Variants in SCHIP1 observed in about 807,000 individuals in gnomAD.
The protein encoded by SCHIP1 is schwannomin interacting protein 1.
In SCHIP1, 8 loss-of-function variants were observed where a neutral mutation model predicts 29.7. The ratio of observed to expected loss-of-function variants is 0.27; its 90% CI spans 0.16 to 0.49. The LOEUF is 0.49. Among genes scored for constraint, SCHIP1 ranks in the 20% least tolerant of loss-of-function variants. SCHIP1 has a pLI of 0.99. For synonymous variants in SCHIP1, 76 were observed against 94.9 expected (o/e 0.80, Z 1.16); for missense variants, 193 against 294.6 (o/e 0.66, Z 2.52).
chr3:159,572,966 T>G, the SCHIP1 span, among the ~76,000 whole-genome samples: 1 of 151,084 alleles, frequency 6.6e-6, no homozygotes, highest in East Asian at 2.0e-4. Flanking sequence ...ATTTGCTTGG[T>G]AGACCTTCCT....
the SCHIP1 span, among the ~76,000 whole-genome samples, chr3:159,288,889 C>T: frequency 6.6e-6 from 1 of 152,140 alleles, no homozygotes; most frequent in Non-Finnish European, 1.5e-5. Flanking sequence ...GCTCCATACA[C>T]CGCACCACCT....
the SCHIP1 span, among the ~76,000 whole-genome samples, chr3:159,695,413 C>T: frequency 2.0e-5 from 3 of 152,142 alleles, no homozygotes; most frequent in South Asian, 6.2e-4. Context: ...GCATGTAAAT[C>T]GCCACTTGAT....
chr3:159,331,654 A>C, the SCHIP1 span, among the ~76,000 whole-genome samples: 2 of 152,108 alleles, frequency 1.3e-5, no homozygotes, highest in African/African-American at 4.8e-5. Context: ...TATCAATTTC[A>C]TCTCTTCAAA....
At chr3:159,686,392 AG>A in the SCHIP1 span, among the ~76,000 whole-genome samples, 1 of 152,236 alleles carries the variant, frequency 6.6e-6, no homozygotes, top group Non-Finnish European at 1.5e-5. Context: ...TCCTATTAGT[AG>A]GTCTTTGAGA....
the SCHIP1 span, among the ~76,000 whole-genome samples, chr3:159,497,925 A>T: frequency 6.6e-6 from 1 of 152,116 alleles, no homozygotes; most frequent in Non-Finnish European, 1.5e-5. Context: ...ACAATTCATT[A>T]TGTGCTCATT....
chr3:159,840,329 C>T lies in SCHIP1; in HGVS notation c.30+115C>T, dbSNP rs562097921. 172 of 893,328 alleles carry T rather than the reference C, an allele frequency of 1.9e-4. 1 individual carries two copies. The East Asian group carries it at 4.2e-3, about 22-fold the overall frequency. 55.3% of individuals were successfully genotyped at this position (893,328 alleles called of 1,614,324 possible). ...TTCAGGGATTTTGCCATCTTCCGCG[C>T]CTGGCCTTCATCACGTGCAGTATCT... On this transcript the variant is annotated intron_variant, in intron 1 of 6. Transcript: ENST00000445224.
the SCHIP1 span, among the ~76,000 whole-genome samples, chr3:159,278,561 C>T: frequency 6.6e-6 from 1 of 152,016 alleles, no homozygotes; most frequent in Admixed American, 6.5e-5. Context: ...TTTGCTCTTT[C>T]GCCTGTATCC....
chr3:159,463,138 T>C, the SCHIP1 span, among the ~76,000 whole-genome samples: 1 of 151,828 alleles, frequency 6.6e-6, no homozygotes, highest in Admixed American at 6.6e-5. Context: ...ATATATACAG[T>C]ATATAGTTCA....
the SCHIP1 span, chr3:159,764,307 C>T: frequency 3.7e-6 from 4 of 1,092,152 alleles, no homozygotes; most frequent in African/African-American, 3.2e-5. The surrounding 1 kb of genome is among the most constrained non-coding windows in gnomAD (Gnocchi z 6.1). Context: ...GCTCCCGCCC[C>T]CAGGCCTCCT....
chr3:159,507,587 G>T, the SCHIP1 span, among the ~76,000 whole-genome samples: 1 of 152,272 alleles, frequency 6.6e-6, no homozygotes, highest in Non-Finnish European at 1.5e-5. Flanking sequence ...CTTTCAGTAT[G>T]ATATTGGCTG....
chr3:159,384,545 A>G, the SCHIP1 span, among the ~76,000 whole-genome samples: 1 of 149,274 alleles, frequency 6.7e-6, no homozygotes, highest in Non-Finnish European at 1.5e-5. Flanking sequence ...ATCAATGTTC[A>G]TCAAGGATAT....
chr3:159,876,893 T>G (rs1432394636), intron 2 of SCHIP1, among the ~76,000 whole-genome samples: 1 of 152,192 alleles, frequency 6.6e-6, no homozygotes, highest in Non-Finnish European at 1.5e-5. Context: ...CGTCCCCCCA[T>G]CTGCAAGGTT....
At chr3:159,531,881 G>A in the SCHIP1 span, among the ~76,000 whole-genome samples, 4 of 152,168 alleles carry the variant, frequency 2.6e-5, no homozygotes. Flanking sequence ...TGATGTAAAT[G>A]TTAGAAATTA....
the SCHIP1 span, among the ~76,000 whole-genome samples, chr3:159,289,683 G>A: frequency 6.6e-6 from 1 of 152,138 alleles, no homozygotes; most frequent in Non-Finnish European, 1.5e-5. Flanking sequence ...CCACAGGAGG[G>A]CAAGGACCAT....
the SCHIP1 span, among the ~76,000 whole-genome samples, chr3:159,453,498 A>G: frequency 2.6e-5 from 4 of 152,146 alleles, no homozygotes; most frequent in Non-Finnish European, 5.9e-5. Flanking sequence ...GGCCTTTCTT[A>G]TTGCTGCTTT....
At chr3:159,396,573 C>T in the SCHIP1 span, among the ~76,000 whole-genome samples, 1 of 149,872 alleles carries the variant, frequency 6.7e-6, no homozygotes, top group Non-Finnish European at 1.5e-5. Context: ...TTCTCCTTCA[C>T]TTATAAAGCT....
the SCHIP1 span, among the ~76,000 whole-genome samples, chr3:159,384,901 G>A: frequency 6.6e-6 from 1 of 152,168 alleles, no homozygotes; most frequent in African/African-American, 2.4e-5. Flanking sequence ...TTGCATAGAG[G>A]TGTTTGTAAT....
chr3:159,672,648 C>A, the SCHIP1 span, among the ~76,000 whole-genome samples: 1 of 152,122 alleles, frequency 6.6e-6, no homozygotes, highest in African/African-American at 2.4e-5. Flanking sequence ...CTACAATGCA[C>A]AGGACAGCCC....
the SCHIP1 span, among the ~76,000 whole-genome samples, chr3:159,420,861 T>A: frequency 6.6e-6 from 1 of 152,336 alleles, no homozygotes; most frequent in East Asian, 1.9e-4. Flanking sequence ...GCTTTGAGGA[T>A]CACATGAGCC....
Sources: gnomAD v4.1 joint callset for allele counts (sites outside exome capture counted in the v4.1 genomes callset) on GRCh38, gnomAD v4.1.1 for gene constraint, Gnocchi (gnomAD v3.1) non-coding constraint, MANE v1.5 for transcripts, NCBI Gene and HGNC (gene_info 2026-07-23, HGNC 2026-07-21) for gene names.